BDH2: variants seen among roughly 807,000 people sequenced by gnomAD.
BDH2 encodes 3-hydroxybutyrate dehydrogenase 2.
A neutral mutation model predicts 33.2 loss-of-function variants in BDH2; 24 were observed. The ratio of observed to expected loss-of-function variants is 0.72; its 90% confidence interval spans 0.52 to 1.02. The LOEUF is 1.02. Ranked by LOEUF, BDH2 falls within the 50% of genes least tolerant of loss-of-function variation. The probability of loss-of-function intolerance (pLI) is 0.00; values close to 1 mark genes in which losing one functional copy is unlikely to be tolerated. For missense variants in BDH2, 249 were observed against 301.6 expected, an observed-to-expected ratio of 0.83 and a Z score of 1.29; for synonymous variants, 81 against 101.6, an observed-to-expected ratio of 0.80 and a Z score of 1.22.
intron 5 of BDH2, among the ~76,000 whole-genome samples, chr4:103,087,708 G>C (rs1371580890): frequency 6.6e-6 from 1 of 152,172 alleles, no homozygotes; most frequent in African/African-American, 2.4e-5. Flanking sequence ...AACACAGATT[G>C]CTGGGCCCTG....
chr4:103,087,841 A>G (rs1747871021), intron 5 of BDH2, among the ~76,000 whole-genome samples: 1 of 152,256 alleles, frequency 6.6e-6, no homozygotes, highest in Non-Finnish European at 1.5e-5. Flanking sequence ...CCAGAGAAAA[A>G]AAATGACTTC....
intron 7 of BDH2, 56 bp from the exon 8 acceptor site, chr4:103,082,985 G>A (rs555418189): frequency 5.1e-5 from 73 of 1,445,034 alleles, no homozygotes; most frequent in Non-Finnish European, 5.7e-5. Flanking sequence ...AAAAGAAATC[G>A]ATAACTAAAC....
intron 9 of BDH2, among the ~76,000 whole-genome samples, chr4:103,081,547 C>T (rs956908209): frequency 2.0e-5 from 3 of 152,192 alleles, no homozygotes; most frequent in South Asian, 2.1e-4. Context: ...CCGCCTGCCT[C>T]GACCTCCCAA....
intron 2 of BDH2, among the ~76,000 whole-genome samples, 177 bp from the exon 3 acceptor site, chr4:103,095,458 C>T (rs1035686003): frequency 3.3e-5 from 5 of 151,932 alleles, no homozygotes; most frequent in African/African-American, 1.2e-4. Flanking sequence ...TTATTTTTAT[C>T]ATTAATTAGA....
At chr4:103,089,310 C>T (rs1045292447) in intron 5 of BDH2, among the ~76,000 whole-genome samples, 7 of 152,304 alleles carry the variant, frequency 4.6e-5, no homozygotes, top group Admixed American at 4.6e-4. Flanking sequence ...GGTACAAGTG[C>T]CATCTCTATG....
At chr4:103,099,579 C>T (rs575079565) in intron 1 of BDH2, among the ~76,000 whole-genome samples, 2 of 152,048 alleles carry the variant, frequency 1.3e-5, no homozygotes, top group Non-Finnish European at 2.9e-5. Flanking sequence ...CTTAGGATAC[C>T]GTAAGAATCC....
intron 8 of BDH2, among the ~76,000 whole-genome samples, 196 bp downstream of exon 8, chr4:103,082,675 G>A (rs909010415): frequency 2.0e-5 from 3 of 152,056 alleles, no homozygotes; most frequent in Non-Finnish European, 2.9e-5. Context: ...CCCAGCCTCA[G>A]CTTCCCAAGC....
intron 9 of BDH2, among the ~76,000 whole-genome samples, chr4:103,080,906 ATTG>A (rs1747486000): frequency 1.3e-5 from 2 of 152,196 alleles, no homozygotes; most frequent in Non-Finnish European, 2.9e-5. Context: ...GCTATTAACA[ATTG>A]TTGTTAATAG....
Position 103,078,674 on chromosome 4 carries a change from A to G in BDH2, c.*1028T>C, listed in dbSNP as rs1383016155. Among the ~76,000 whole-genome samples the G allele has an allele frequency of 6.6e-6, 1 of 152,168 alleles. No individual in the cohort carries two copies. Among genetic ancestry groups the G allele is most frequent in the African/African-American group, 2.4e-5 (1 of 41,430 alleles). On this transcript the variant is annotated 3_prime_UTR_variant, in exon 10 of 10. Coordinates refer to ENST00000296424, the MANE Select transcript of BDH2 (RefSeq NM_020139.4). ...TCCTTCCTACCTTTGTTCATTTATG[A>G]TGGTGTAAAATTTTAAAATTAGGAT...
At position 103,082,186 on chromosome 4, in the gene BDH2, A is replaced by G. The variant is rs1204922139; in HGVS notation, c.592-13T>C. 6.2e-7 allele frequency: 1 copy of G among 1,607,942 alleles called. No individual in the cohort carries two copies. Among genetic ancestry groups the G allele is most frequent in the South Asian group, 1.1e-5 (1 of 90,914 alleles). On this transcript the variant is annotated splice_polypyrimidine_tract_variant and intron_variant, in intron 8 of 9. Coordinates refer to ENST00000296424, the MANE Select transcript of BDH2 (RefSeq NM_020139.4). ...AATCATTCCGTGCCTGTGACCAGAGACCATACCAGACATTAGTGATGGAAG... is the reference window on the plus strand; with the variant it reads ...AATCATTCCGTGCCTGTGACCAGAGGCCATACCAGACATTAGTGATGGAAG...
Position 103,082,149 on chromosome 4 carries a change from G to A in BDH2, c.616C>T (p.Gln206Ter). Residue 206 changes from glutamine (Q) to a stop codon, truncating the protein, a stop_gained, in exon 9 of 10, where the codon CAA (glutamine) becomes TAA (stop). Coordinates refer to ENST00000296424, the MANE Select transcript of BDH2 (RefSeq NM_020139.4). LOFTEE classifies it high-confidence loss of function. Reference protein sequence around the residue: ...EEARNDFLKRQKTGRFATAEE... With the variant: ...EEARNDFLKR ...GCAGTTGCGAATCTTCCCGTCTTTT[G>A]TCTCTTCAGGAAATCATTCCGTGCC... 6.2e-7 allele frequency: 1 copy of A among 1,614,088 alleles called. No individual in the cohort carries two copies. Among genetic ancestry groups the A allele is most frequent in the Non-Finnish European group, 8.5e-7 (1 of 1,179,972 alleles).
intron 3 of BDH2, among the ~76,000 whole-genome samples, 185 bp from the exon 4 acceptor site, chr4:103,092,881 C>T (rs1748181753): frequency 6.6e-6 from 1 of 152,132 alleles, no homozygotes; most frequent in Admixed American, 6.5e-5. Flanking sequence ...CATCTTGACT[C>T]CTCCAATAAC....
At position 103,089,697 on chromosome 4, in the gene BDH2, G is replaced by A. The variant is rs149938831; in HGVS notation, c.357+1480C>T. On this transcript the variant is annotated intron_variant, in intron 5 of 9. Transcript: ENST00000296424. ...ATGCATGTGCAACAGTCTTACCCAC[G>A]ATGACCTAAGCTTTCCTCCTATACC... Among the ~76,000 whole-genome samples, 511 of 152,126 alleles carry A rather than the reference G, an allele frequency of 3.4e-3. 6 individuals carry two copies. Among genetic ancestry groups the A allele is most frequent in the Non-Finnish European group, 2.2e-3 (149 of 68,008 alleles).
In BDH2 at chr4:103,096,247, C is replaced by G. The variant is rs769596421; in HGVS notation, c.8G>C (p.Arg3Pro). 6.2e-7 allele frequency: 1 copy of G among 1,613,494 alleles called. No homozygotes were observed. Among genetic ancestry groups the G allele is most frequent in the Non-Finnish European group, 8.5e-7 (1 of 1,179,652 alleles). ...CAGGATGATGACTTTCCCATCAAGT[C>G]GACCCATAATGGAACCTGTGGTTTA... MGRLDGKVIILTA... is the reference protein window; with the variant it reads MGPLDGKVIILTA... The change falls in exon 2 of 10, where the codon CGA becomes CCA. Residue 3 changes from arginine (R) to proline (P), a missense_variant. Coordinates refer to ENST00000296424, the MANE Select transcript of BDH2 (RefSeq NM_020139.4).
intron 6 of BDH2, 44 bp downstream of exon 6, chr4:103,086,436 G>T (rs1309956080): frequency 6.3e-7 from 1 of 1,595,884 alleles, no homozygotes; most frequent in Non-Finnish European, 8.5e-7. Context: ...TCTTAATGAT[G>T]TGCGTGTATG....
chr4:103,091,388 C>A (rs1748080819), intron 4 of BDH2, 103 bp from the exon 5 acceptor site: 1 of 689,122 alleles, frequency 1.5e-6, no homozygotes, highest in Non-Finnish European at 2.6e-6. Context: ...ACCACTGTCT[C>A]TTTCCCTTAT....
intron 5 of BDH2, among the ~76,000 whole-genome samples, chr4:103,089,536 C>G: frequency 6.6e-6 from 1 of 152,200 alleles, no homozygotes; most frequent in East Asian, 1.9e-4. Flanking sequence ...CAAGCAAACT[C>G]ACTAGTTTGC....
At chr4:103,085,294 G>A in intron 7 of BDH2, 55 bp downstream of exon 7, 2 of 1,361,886 alleles carry the variant, frequency 1.5e-6, no homozygotes, top group South Asian at 1.2e-5. Flanking sequence ...AAGCAAATTG[G>A]GTGTGGAAGT....
At chr4:103,091,312 A>G (rs1193315452) in intron 4 of BDH2, 27 bp from the exon 5 acceptor site, 1 of 1,473,516 alleles carries the variant, frequency 6.8e-7, no homozygotes, top group East Asian at 2.3e-5. Context: ...ACAATGGAAG[A>G]ATAACTGCCA....
Sources: gnomAD v4.1 joint callset for allele counts (sites outside exome capture counted in the v4.1 genomes callset) on GRCh38, gnomAD v4.1.1 for gene constraint, MANE v1.5 for transcripts, NCBI Gene and HGNC (gene_info 2026-07-23, HGNC 2026-07-21) for gene names.